Variants in ABCC11 observed in about 807,000 individuals in gnomAD.
ABCC11 encodes the protein ATP binding cassette subfamily C member 11.
ABCC11 carries 135 observed loss-of-function variants against 149.3 expected under a neutral mutation model. The observed-to-expected ratio is 0.90, with a 90% CI of 0.79 to 1.04. ABCC11 has a LOEUF of 1.04. Ranked by LOEUF, ABCC11 falls within the 50% of genes least tolerant of loss-of-function variation. ABCC11 has a pLI of 0.00. For synonymous variants in ABCC11, 665 were observed against 671.4 expected, an observed-to-expected ratio of 0.99 and a Z score of 0.15; for missense variants, 1,680 against 1,722.1, an observed-to-expected ratio of 0.98 and a Z score of 0.43.
At chr16:48,218,656 C>T (rs1272005536) in intron 6 of ABCC11, among the ~76,000 whole-genome samples, 1 of 152,128 alleles carries the variant, frequency 6.6e-6, no homozygotes, top group African/African-American at 2.4e-5. Context: ...GTGGGAGGGA[C>T]TATTCTCATG....
intron 28 of ABCC11, among the ~76,000 whole-genome samples, chr16:48,169,822 G>A (rs1056015027): frequency 5.3e-5 from 8 of 151,328 alleles, no homozygotes; most frequent in Middle Eastern, 3.4e-3. Flanking sequence ...TGTAAATGAC[G>A]AGTTAACGGG....
intron 13 of ABCC11, 46 bp from the exon 14 acceptor site, chr16:48,203,346 G>C (rs192719473): frequency 6.7e-7 from 1 of 1,484,680 alleles, no homozygotes; most frequent in African/African-American, 1.4e-5. Context: ...CAGCCCTCCC[G>C]CCCATCACCC....
At position 48,170,939 on chromosome 16, in the gene ABCC11, T is replaced by C. The variant is rs1965678990; in HGVS notation, c.3727A>G (p.Thr1243Ala). 1 of 1,613,938 alleles carries C rather than the reference T, an allele frequency of 6.2e-7. No individual in the cohort carries two copies. ...RFNLDPFDRH[T>A]DQQIWDALER... ...AAGGCATCCCAGATCTGCTGGTCAGTGTGACGGTCAAAGGGATCTAGGTTG... is the reference window on the plus strand; with the variant it reads ...AAGGCATCCCAGATCTGCTGGTCAGCGTGACGGTCAAAGGGATCTAGGTTG... The change falls in exon 27 of 30, where the codon ACT (threonine) becomes GCT (alanine). Residue 1243 changes from threonine (T) to alanine (A), a missense_variant. Coordinates refer to ENST00000356608, the MANE Select transcript of ABCC11 (RefSeq NM_001370497.1).
At chr16:48,227,476 A>C (rs1450051933) in intron 4 of ABCC11, among the ~76,000 whole-genome samples, 2 of 89,668 alleles carry the variant, frequency 2.2e-5, no homozygotes, top group African/African-American at 1.2e-4. Flanking sequence ...ACTCCATCTC[A>C]AAAAAAAAAA....
At chr16:48,189,647 T>C (rs760026786) in intron 20 of ABCC11, among the ~76,000 whole-genome samples, 1 of 152,196 alleles carries the variant, frequency 6.6e-6, no homozygotes, top group African/African-American at 2.4e-5. Flanking sequence ...GCATGGGCAC[T>C]GGATATTTCT....
intron 11 of ABCC11, among the ~76,000 whole-genome samples, chr16:48,208,908 A>T (rs1356563537): frequency 6.6e-6 from 1 of 152,242 alleles, no homozygotes; most frequent in Admixed American, 6.5e-5. Flanking sequence ...TGAAGCATTC[A>T]TTCACCCATC....
intron 1 of ABCC11, among the ~76,000 whole-genome samples, chr16:48,233,255 A>T (rs2150924769): frequency 6.6e-6 from 1 of 152,344 alleles, no homozygotes; most frequent in South Asian, 2.1e-4. Context: ...AAGCAAATAG[A>T]CTGCAAGCTA....
chr16:48,179,658 A>G (rs909165302), intron 23 of ABCC11, among the ~76,000 whole-genome samples: 1 of 152,234 alleles, frequency 6.6e-6, no homozygotes, highest in African/African-American at 2.4e-5. Flanking sequence ...GCAACAAAGA[A>G]TAAAGTGCAG....
intron 13 of ABCC11, 122 bp from the exon 14 acceptor site, chr16:48,203,422 T>C (rs368983895): frequency 2.3e-6 from 2 of 860,860 alleles, no homozygotes; most frequent in East Asian, 2.7e-5. Flanking sequence ...TGGTGTTTAA[T>C]GGTATAACAC....
chr16:48,200,230 C>A, intron 15 of ABCC11, 46 bp downstream of exon 15: 2 of 1,576,164 alleles, frequency 1.3e-6, no homozygotes, highest in African/African-American at 1.3e-5. Context: ...GCTTGAGGAT[C>A]TACGTTATCC....
chr16:48,170,678 C>T (rs541539311), intron 27 of ABCC11, among the ~76,000 whole-genome samples: 26 of 152,292 alleles, frequency 1.7e-4, no homozygotes, highest in African/African-American at 5.5e-4. Flanking sequence ...TTGCTGTGCC[C>T]CTGAGCCTAG....
At chr16:48,174,268 T>C (rs951116301) in intron 26 of ABCC11, among the ~76,000 whole-genome samples, 1 of 152,210 alleles carries the variant, frequency 6.6e-6, no homozygotes, top group African/African-American at 2.4e-5. Flanking sequence ...CTCCAGTCCC[T>C]AGCACAGTGT....
intron 9 of ABCC11, among the ~76,000 whole-genome samples, chr16:48,213,804 A>G (rs895720102): frequency 2.6e-5 from 4 of 152,200 alleles, no homozygotes; most frequent in African/African-American, 9.6e-5. Flanking sequence ...GGTTGCCCCT[A>G]CCACAGCCCA....
chr16:48,198,134 G>C lies in ABCC11; in HGVS notation c.2217+7C>G. The C allele has an allele frequency of 1.2e-6, 2 of 1,614,200 alleles. No homozygotes were observed. Among genetic ancestry groups the C allele is most frequent in the Non-Finnish European group, 1.7e-6 (2 of 1,180,038 alleles). Reference sequence around the variant, plus strand: ...GTGGGTAGTGAGGGCAGTGGGGCAGGACTCACCGAAGTGGCTTCCTTGTGC... The same window carrying C: ...GTGGGTAGTGAGGGCAGTGGGGCAGCACTCACCGAAGTGGCTTCCTTGTGC... On this transcript the variant is annotated splice_region_variant and intron_variant, in intron 16 of 29. Coordinates refer to ENST00000356608, the MANE Select transcript of ABCC11 (RefSeq NM_001370497.1).
chr16:48,175,395 A>G lies in ABCC11; in HGVS notation c.3561T>C (p.Ala1187=). 6.2e-7 allele frequency: 1 copy of G among 1,611,506 alleles called. No homozygotes were observed. The highest frequency in any genetic ancestry group is 1.1e-5 in the South Asian group (1 of 91,020). Residue 1187 remains alanine (A), a synonymous_variant, in exon 26 of 30, where the codon GCT becomes GCC. Transcript: ENST00000356608. ...TGSGKSSLGM[A]LFRLVEPMAG... The stretch of plus-strand genomic sequence containing the variant: ...CCATGGGCTCCACCAGGCGGAAGAG[A>G]GCCATGCCCAAGGAGGACTTCCCTG...
At chr16:48,178,764 TG>T in intron 23 of ABCC11, 78 bp from the exon 24 acceptor site, 6 of 1,246,238 alleles carry the variant, frequency 4.8e-6, no homozygotes, top group Non-Finnish European at 1.2e-6. Context: ...TGATAACCAC[TG>T]ATTGCCATTG....
At position 48,177,076 on chromosome 16, in the gene ABCC11, G is replaced by T. The variant is rs1023057976; in HGVS notation, c.3386C>A (p.Thr1129Lys). ...CTGTGGCCACCCCTGGGGACAACTTGTGCCTTCCATGTGTAAAGGAGCTTC... is the reference window on the plus strand; with the variant it reads ...CTGTGGCCACCCCTGGGGACAACTTTTGCCTTCCATGTGTAAAGGAGCTTC... ...VSEAPLHMEGTSCPQGWPQHG... is the reference protein window; with the variant it reads ...VSEAPLHMEGKSCPQGWPQHG... The change falls in exon 25 of 30, where the codon ACA (threonine) becomes AAA (lysine). Residue 1129 changes from threonine to lysine, a missense_variant. Physicochemically the swap from Thr to Lys is moderately conservative, Grantham distance 78. Transcript: ENST00000356608. 3 of 1,613,904 alleles carry T rather than the reference G, an allele frequency of 1.9e-6. No homozygotes were observed. The highest frequency in any genetic ancestry group is 1.3e-5 in the African/African-American group (1 of 74,928).
chr16:48,173,296 A>G (rs1049092596), intron 26 of ABCC11, among the ~76,000 whole-genome samples: 1 of 152,124 alleles, frequency 6.6e-6, no homozygotes. Flanking sequence ...ATCACAAATT[A>G]TGGGTTTAGA....
intron 4 of ABCC11, among the ~76,000 whole-genome samples, chr16:48,227,205 G>A (rs1216041003): frequency 6.6e-6 from 1 of 152,156 alleles, no homozygotes; most frequent in Non-Finnish European, 1.5e-5. Flanking sequence ...CAGGTGTGGT[G>A]GCTCACACCT....
Sources: allele counts gnomAD v4.1 joint callset (sites outside exome capture counted in the v4.1 genomes callset), GRCh38; gene constraint gnomAD v4.1.1; transcripts MANE v1.5; gene names NCBI Gene and HGNC (gene_info 2026-07-23, HGNC 2026-07-21).